Variants in ACADL observed in about 807,000 individuals in gnomAD.
The protein encoded by ACADL is acyl-CoA dehydrogenase long chain, also known as long-chain specific acyl-CoA dehydrogenase, mitochondrial.
In ACADL, 60 loss-of-function variants were observed where a neutral mutation model predicts 56.9. The observed-to-expected ratio is 1.05, with a 90% CI of 0.86 to 1.31. ACADL has a LOEUF of 1.31. ACADL is among the 50% of genes most tolerant of loss of function. The probability of loss-of-function intolerance (pLI) is 0.00; values close to 1 mark genes in which losing one functional copy is unlikely to be tolerated. For missense variants in ACADL, 484 were observed against 525.5 expected (o/e 0.92, Z 0.77); for synonymous variants, 158 against 179.7 (o/e 0.88, Z 0.97).
chr2:210,222,209 C>T (rs552561180), intron 1 of ACADL, among the ~76,000 whole-genome samples: 2 of 152,236 alleles, frequency 1.3e-5, no homozygotes, highest in South Asian at 2.1e-4. Flanking sequence ...TTTAAGCTTA[C>T]ATTCTAACAA....
chr2:210,224,613 T>G, intron 1 of ACADL: 1 of 985,550 alleles, frequency 1.0e-6, no homozygotes, highest in Non-Finnish European at 1.2e-6. Context: ...TGTTGATATA[T>G]CTAAAGCTAA....
chr2:210,222,444 C>T (rs1375764732), intron 1 of ACADL, among the ~76,000 whole-genome samples: 1 of 146,570 alleles, frequency 6.8e-6, no homozygotes, highest in East Asian at 2.0e-4. Flanking sequence ...ATTGCTTGAG[C>T]TGAGGAGTTT....
At chr2:210,215,090 T>G (rs988632737) in intron 4 of ACADL, among the ~76,000 whole-genome samples, 3 of 152,214 alleles carry the variant, frequency 2.0e-5, no homozygotes, top group Admixed American at 1.3e-4. Context: ...CTTACACTTC[T>G]TTGGCATCTT....
chr2:210,195,120 CCTTT>C, intron 9 of ACADL, 87 bp downstream of exon 9: 1 of 1,525,328 alleles, frequency 6.6e-7, no homozygotes, highest in Non-Finnish European at 9.1e-7. Flanking sequence ...CAGATTTCTT[CCTTT>C]AAGACCCTCA....
In ACADL at chr2:210,197,286, T is replaced by TGTA. The variant is rs769098927; in HGVS notation, c.985-1949_985-1948insTAC. On this transcript the variant is annotated intron_variant, in intron 8 of 10. Coordinates refer to ENST00000233710, the MANE Select transcript of ACADL (RefSeq NM_001608.4). Reference sequence around the variant, plus strand: ...AATGAGAAGGTTGGCACCCCACTCCTTCCATCTCTGTATTCTGGCCTCTAG... The same window carrying TGTA: ...AATGAGAAGGTTGGCACCCCACTCCTGTATCCATCTCTGTATTCTGGCCTCTAG... Among the ~76,000 whole-genome samples the TGTA allele has an allele frequency of 5.3e-3, 811 of 152,272 alleles. 3 individuals are homozygous for TGTA. Among genetic ancestry groups the TGTA allele is most frequent in the Non-Finnish European group, 9.5e-3 (646 of 68,012 alleles).
chr2:210,205,030 TG>T (rs1240269724), intron 6 of ACADL, among the ~76,000 whole-genome samples: 2 of 152,164 alleles, frequency 1.3e-5, no homozygotes, highest in Non-Finnish European at 2.9e-5. Context: ...TTTGTTTGTT[TG>T]TTTTATTTTT....
In ACADL at chr2:210,188,803, C is replaced by G. The variant is rs773307466; in HGVS notation, c.*158G>C. 2.8e-4 allele frequency: 167 copies of G among 603,804 alleles called. No homozygotes were observed. Among genetic ancestry groups the G allele is most frequent in the Non-Finnish European group, 3.5e-4 (118 of 339,066 alleles). The allele number at this position is 603,804 out of a possible 1,614,324, so 37.4% of individuals were successfully genotyped here. On this transcript the variant is annotated 3_prime_UTR_variant, in exon 11 of 11. Coordinates refer to ENST00000233710, the MANE Select transcript of ACADL (RefSeq NM_001608.4). The stretch of plus-strand genomic sequence containing the variant: ...ATTTTGGCTTCAAAGATTTGTCCTT[C>G]CACTGTGTTAATCTTATATTTATAT...
At chr2:210,224,430 C>T (rs1326206583) in intron 1 of ACADL, 3 of 985,112 alleles carry the variant, frequency 3.0e-6, no homozygotes, top group Non-Finnish European at 3.6e-6. Context: ...TTTGCCAGTT[C>T]CTTCACCCTT....
intron 4 of ACADL, among the ~76,000 whole-genome samples, chr2:210,214,388 C>G (rs552359125): frequency 1.3e-5 from 2 of 151,656 alleles, no homozygotes; most frequent in Admixed American, 1.3e-4. Context: ...ATTCTCTTAC[C>G]CACATGGGCT....
chr2:210,204,829 A>G, intron 6 of ACADL, 147 bp from the exon 7 acceptor site: 1 of 677,046 alleles, frequency 1.5e-6, no homozygotes, highest in Non-Finnish European at 2.6e-6. Flanking sequence ...ATAACTAGTA[A>G]GTGGTAAACC....
chr2:210,224,905 G>C lies in ACADL; in HGVS notation c.77+282C>G, dbSNP rs145768488. The C allele has an allele frequency of 8.7e-4, 1,097 of 1,264,782 alleles. 7 individuals are homozygous for C. The African/African-American group carries it at 0.015, about 18-fold the overall frequency. The allele number at this position is 1,264,782 out of a possible 1,614,324, so 78.3% of individuals were successfully genotyped here. A position where few individuals can be genotyped will look rare whatever the true frequency, so the allele number is the denominator to read the frequency against. ...ACTAGACGGGTTGGATTGGGGCTCC[G>C]GAATGAACTTCTGGAGAAATCTTTC... On this transcript the variant is annotated intron_variant, in intron 1 of 10. Coordinates refer to ENST00000233710, the MANE Select transcript of ACADL (RefSeq NM_001608.4).
intron 6 of ACADL, among the ~76,000 whole-genome samples, chr2:210,205,151 C>G (rs971984531): frequency 1.3e-5 from 2 of 151,976 alleles, no homozygotes; most frequent in African/African-American, 2.4e-5. Context: ...CTCAGCCTCC[C>G]GAGTAGCTGA....
intron 10 of ACADL, among the ~76,000 whole-genome samples, chr2:210,191,274 T>C (rs1240674476): frequency 1.3e-5 from 2 of 152,180 alleles, no homozygotes; most frequent in Non-Finnish European, 2.9e-5. Context: ...AGTTTAAAAA[T>C]TGATACAATC....
intron 1 of ACADL, among the ~76,000 whole-genome samples, chr2:210,221,338 A>T (rs1689173100): frequency 6.6e-6 from 1 of 152,192 alleles, no homozygotes; most frequent in East Asian, 1.9e-4. Flanking sequence ...TCAATCTCTG[A>T]TAAAGATTCT....
At chr2:210,204,774 A>G (rs1175609071) in intron 6 of ACADL, 92 bp from the exon 7 acceptor site, 10 of 1,093,192 alleles carry the variant, frequency 9.1e-6, no homozygotes, top group Non-Finnish European at 1.4e-5. Flanking sequence ...TTTTTCCAAA[A>G]AAACAAAACA....
chr2:210,189,373 G>A (rs1020122383), intron 10 of ACADL, among the ~76,000 whole-genome samples: 3 of 152,010 alleles, frequency 2.0e-5, no homozygotes, highest in Non-Finnish European at 4.4e-5. Flanking sequence ...TAAAAAGTCT[G>A]TTTTAGATTA....
chr2:210,195,439 G>A (rs568821602), intron 8 of ACADL, 101 bp from the exon 9 acceptor site: 4 of 1,273,866 alleles, frequency 3.1e-6, no homozygotes, highest in South Asian at 1.3e-5. Context: ...GATCTTTAGG[G>A]CAAACAAAAG....
chr2:210,197,362 C>T (rs1008996234), intron 8 of ACADL, among the ~76,000 whole-genome samples: 8 of 151,964 alleles, frequency 5.3e-5, no homozygotes, highest in Non-Finnish European at 1.2e-4. Context: ...TTATTGTTTC[C>T]CTTAATTTTT....
rs1689114104 is a variant in ACADL at position 210,217,960 on chromosome 2, C to T, written c.371+5G>A. On this transcript the variant is annotated splice_donor_5th_base_variant and intron_variant, in intron 3 of 10. Transcript: ENST00000233710. ...AGACTCAACCTTAAAAGTCTCCATA[C>T]TTACTGCTCCTCCCAGACAATAGCT... 12 of 1,614,042 alleles carry T rather than the reference C, an allele frequency of 7.4e-6. No individual in the cohort carries two copies. Among genetic ancestry groups the T allele is most frequent in the Non-Finnish European group, 9.3e-6 (11 of 1,179,972 alleles).
Sources: gnomAD v4.1 joint callset for allele counts (sites outside exome capture counted in the v4.1 genomes callset) on GRCh38, gnomAD v4.1.1 for gene constraint, MANE v1.5 for transcripts, NCBI Gene and HGNC (gene_info 2026-07-23, HGNC 2026-07-21) for gene names.